PRKD1: variants seen among roughly 807,000 people sequenced by gnomAD.
PRKD1 encodes the protein protein kinase D1.
Under a neutral mutation model 95.9 loss-of-function variants are expected in PRKD1, and 63 were observed. The ratio of observed to expected loss-of-function variants is 0.66; its 90% CI spans 0.54 to 0.81. PRKD1 has a LOEUF of 0.81. Ranked by LOEUF, PRKD1 falls within the 30% of genes least tolerant of loss-of-function variation. PRKD1 has a pLI of 0.00. For synonymous variants in PRKD1, 425 were observed against 423.1 expected (o/e 1.00, Z -0.05); for missense variants, 1,048 against 1,165.3 (o/e 0.90, Z 1.47).
At chr14:29,897,289 C>A (rs1278073600) in intron 1 of PRKD1, among the ~76,000 whole-genome samples, 4 of 152,052 alleles carry the variant, frequency 2.6e-5, no homozygotes, top group Non-Finnish European at 1.5e-5. Flanking sequence ...TATTGTAATA[C>A]TACTGTATAC....
In PRKD1 at chr14:29,749,266, T is replaced by C. The variant is rs1887369158; in HGVS notation, c.265-23592A>G. On this transcript the variant is annotated intron_variant, in intron 1 of 17. Coordinates refer to ENST00000331968, the MANE Select transcript of PRKD1 (RefSeq NM_002742.3). ...TCATACCATGTTATATGCTAGTCTG[T>C]AGCCCCATTCTTCAAAAAAGCATGA... 2.0e-5 allele frequency among the ~76,000 whole-genome samples: 3 copies of C among 152,142 alleles called. No homozygotes were observed. In the South Asian group the frequency reaches 6.2e-4, roughly 32 times the overall value.
chr14:29,745,500 G>C (rs1432725516), intron 1 of PRKD1, among the ~76,000 whole-genome samples: 2 of 152,120 alleles, frequency 1.3e-5, no homozygotes, highest in African/African-American at 4.8e-5. Context: ...ATAGAGTCTT[G>C]ATGCATCACC....
At chr14:29,895,033 T>A (rs936141487) in intron 1 of PRKD1, among the ~76,000 whole-genome samples, 3 of 151,182 alleles carry the variant, frequency 2.0e-5, no homozygotes, top group Non-Finnish European at 3.0e-5. Context: ...CTCAACACCA[T>A]GTTTATAAGA....
At chr14:29,794,368 C>T (rs1889714896) in intron 1 of PRKD1, among the ~76,000 whole-genome samples, 1 of 151,894 alleles carries the variant, frequency 6.6e-6, no homozygotes, top group Non-Finnish European at 1.5e-5. Flanking sequence ...ACTCCTGCCC[C>T]TAAATATCAT....
At chr14:29,693,778 C>G (rs1033950414) in intron 2 of PRKD1, among the ~76,000 whole-genome samples, 3 of 152,010 alleles carry the variant, frequency 2.0e-5, no homozygotes, top group Non-Finnish European at 4.4e-5. Flanking sequence ...TATAGGTCAC[C>G]CAATCCAACC....
At chr14:29,800,882 T>C (rs1452337140) in intron 1 of PRKD1, among the ~76,000 whole-genome samples, 1 of 152,182 alleles carries the variant, frequency 6.6e-6, no homozygotes, top group African/African-American at 2.4e-5. Context: ...ATAAGACCCC[T>C]GGCACCAATC....
At chr14:29,820,922 T>C (rs1391195223) in intron 1 of PRKD1, among the ~76,000 whole-genome samples, 2 of 152,098 alleles carry the variant, frequency 1.3e-5, no homozygotes, top group Non-Finnish European at 1.5e-5. Context: ...AACCCACTGA[T>C]TGTGTAGGAT....
intron 2 of PRKD1, among the ~76,000 whole-genome samples, chr14:29,684,582 G>A (rs918122687): frequency 1.3e-5 from 2 of 152,174 alleles, no homozygotes; most frequent in Admixed American, 6.5e-5. Flanking sequence ...ATCAACTCAT[G>A]TCTTCAGATT....
At chr14:29,620,797 A>C (rs1242334158) in intron 13 of PRKD1, among the ~76,000 whole-genome samples, 1 of 152,138 alleles carries the variant, frequency 6.6e-6, no homozygotes, top group Admixed American at 6.5e-5. Flanking sequence ...AAGTAGAAAT[A>C]CCATTTGACC....
intron 11 of PRKD1, among the ~76,000 whole-genome samples, chr14:29,628,575 A>G (rs1480555727): frequency 6.6e-6 from 1 of 152,212 alleles, no homozygotes; most frequent in African/African-American, 2.4e-5. Flanking sequence ...CAACTTTCTT[A>G]AAGTCTCCTT....
intron 1 of PRKD1, among the ~76,000 whole-genome samples, chr14:29,830,850 G>A (rs1316330618): frequency 6.6e-6 from 1 of 151,748 alleles, no homozygotes; most frequent in Non-Finnish European, 1.5e-5. Flanking sequence ...GTGCCACCAC[G>A]CCCAACTAAT....
chr14:29,683,577 G>A lies in PRKD1; in HGVS notation c.404-17369C>T, dbSNP rs1238217651. Among the ~76,000 whole-genome samples, 4 of 152,138 alleles carry A rather than the reference G, an allele frequency of 2.6e-5. No homozygotes were observed. The South Asian group carries it at 6.2e-4, about 24-fold the overall frequency. ...GCCAAGTGAAGTTCTTCTGAGCCACGTAAAGAGCCATAAAAGAGGAGGCAA... is the reference window on the plus strand; with the variant it reads ...GCCAAGTGAAGTTCTTCTGAGCCACATAAAGAGCCATAAAAGAGGAGGCAA... On this transcript the variant is annotated intron_variant, in intron 2 of 17. Transcript: ENST00000331968.
At chr14:29,782,802 C>G (rs973899293) in intron 1 of PRKD1, among the ~76,000 whole-genome samples, 1 of 152,184 alleles carries the variant, frequency 6.6e-6, no homozygotes, top group African/African-American at 2.4e-5. Flanking sequence ...CCTTGGCCAC[C>G]TAAAGTGCCA....
chr14:29,715,263 A>G (rs1012583359), intron 2 of PRKD1, among the ~76,000 whole-genome samples: 5 of 151,862 alleles, frequency 3.3e-5, no homozygotes, highest in African/African-American at 1.2e-4. Context: ...ATCCAAGTTT[A>G]TACCCTCTTT....
intron 1 of PRKD1, among the ~76,000 whole-genome samples, chr14:29,781,568 T>C (rs1330116413): frequency 6.6e-6 from 1 of 152,256 alleles, no homozygotes; most frequent in Non-Finnish European, 1.5e-5. Context: ...TTATCCGGCC[T>C]GAGCCAAGGT....
chr14:29,740,923 C>G (rs1886953991), intron 1 of PRKD1, among the ~76,000 whole-genome samples: 2 of 152,188 alleles, frequency 1.3e-5, no homozygotes, highest in African/African-American at 4.8e-5. Context: ...ATGATGCAGT[C>G]ATTAAAAAGA....
At position 29,819,617 on chromosome 14, in the gene PRKD1, C is replaced by G. The variant is rs1043517560; in HGVS notation, c.265-93943G>C. Among the ~76,000 whole-genome samples, 4 of 151,968 alleles carry G rather than the reference C, an allele frequency of 2.6e-5. No individual in the cohort carries two copies. In the East Asian group the frequency reaches 7.7e-4, roughly 29 times the overall value. ...AGGAAGGAGAATGGCATGAACCCGGCAGGCAGAGCTTGCAGTGAGCCGAGA... is the reference window on the plus strand; with the variant it reads ...AGGAAGGAGAATGGCATGAACCCGGGAGGCAGAGCTTGCAGTGAGCCGAGA... On this transcript the variant is annotated intron_variant, in intron 1 of 17. Coordinates refer to ENST00000331968, the MANE Select transcript of PRKD1 (RefSeq NM_002742.3).
At chr14:29,716,750 G>A (rs1885632059) in intron 2 of PRKD1, among the ~76,000 whole-genome samples, 1 of 152,178 alleles carries the variant, frequency 6.6e-6, no homozygotes, top group Non-Finnish European at 1.5e-5. Context: ...GCAATGGTTG[G>A]GAAAACTGAT....
At chr14:29,639,304 A>C (rs1369542479) in intron 4 of PRKD1, among the ~76,000 whole-genome samples, 1 of 152,242 alleles carries the variant, frequency 6.6e-6, no homozygotes, top group African/African-American at 2.4e-5. Context: ...TGAAAGACAG[A>C]AAATGAAAAG....
Sources: gnomAD v4.1 joint callset for allele counts (sites outside exome capture counted in the v4.1 genomes callset) on GRCh38, gnomAD v4.1.1 for gene constraint, MANE v1.5 for transcripts, NCBI Gene and HGNC (gene_info 2026-07-23, HGNC 2026-07-21) for gene names.